CTNNA3: variants seen among roughly 807,000 people sequenced by gnomAD.
CTNNA3 encodes the protein catenin alpha 3.
Under a neutral mutation model 95.7 loss-of-function variants are expected in CTNNA3, and 76 were observed. The observed-to-expected ratio is 0.79, with a 90% CI of 0.66 to 0.96. CTNNA3 has a LOEUF of 0.96. Among genes scored for constraint, CTNNA3 ranks in the 40% least tolerant of loss-of-function variants. The probability of loss-of-function intolerance (pLI) is 0.00; values close to 1 mark genes in which losing one functional copy is unlikely to be tolerated. For synonymous variants in CTNNA3, 431 were observed against 374.4 expected, an observed-to-expected ratio of 1.15 and a Z score of -1.74; for missense variants, 1,191 against 1,089.8, an observed-to-expected ratio of 1.09 and a Z score of -1.31.
At chr10:67,212,059 T>A (rs1864162246) in intron 6 of CTNNA3, among the ~76,000 whole-genome samples, 1 of 152,108 alleles carries the variant, frequency 6.6e-6, no homozygotes, top group Non-Finnish European at 1.5e-5. Context: ...ATAGATTTAA[T>A]AAATATTTGT....
chr10:66,657,832 C>T (rs150220481), intron 9 of CTNNA3, among the ~76,000 whole-genome samples: 62 of 152,188 alleles, frequency 4.1e-4, no homozygotes, highest in Middle Eastern at 3.4e-3. Flanking sequence ...ACAAAGCTAC[C>T]GTATGGGAAG....
At chr10:66,613,864 C>T (rs980703962) in intron 10 of CTNNA3, among the ~76,000 whole-genome samples, 1 of 151,922 alleles carries the variant, frequency 6.6e-6, no homozygotes, top group African/African-American at 2.4e-5. Context: ...TATTTGGGTC[C>T]TATATTGTTT....
chr10:67,608,947 G>C (rs541217231), intron 2 of CTNNA3, among the ~76,000 whole-genome samples: 1 of 151,854 alleles, frequency 6.6e-6, no homozygotes, highest in Non-Finnish European at 1.5e-5. Flanking sequence ...AAAATTAGCC[G>C]GGCATGGTGG....
chr10:66,386,067 T>A (rs376836321), intron 11 of CTNNA3, among the ~76,000 whole-genome samples: 1 of 152,082 alleles, frequency 6.6e-6, no homozygotes, highest in Admixed American at 6.5e-5. Flanking sequence ...CCACTCCTAC[T>A]CAACATAGTG....
intron 13 of CTNNA3, among the ~76,000 whole-genome samples, chr10:66,177,579 T>TTGCAACA (rs2085782592): frequency 1.3e-5 from 2 of 152,136 alleles, no homozygotes; most frequent in African/African-American, 4.8e-5. Context: ...AAAATGAGCT[T>TTGCAACA]TGCAACATAT....
intron 2 of CTNNA3, among the ~76,000 whole-genome samples, chr10:67,625,038 T>A (rs1181339714): frequency 6.6e-6 from 1 of 152,202 alleles, no homozygotes; most frequent in East Asian, 1.9e-4. Flanking sequence ...GTAGGAGCCC[T>A]ATCTCTTGGT....
Position 66,446,612 on chromosome 10 carries a change from C to A in CTNNA3, c.1532-67260G>T, listed in dbSNP as rs1360033119. Among the ~76,000 whole-genome samples the A allele has an allele frequency of 4.6e-5, 7 of 152,004 alleles. No individual in the cohort carries two copies. In the East Asian group the frequency reaches 9.7e-4, roughly 21 times the overall value. ...CAATAGATGCAGAAAAGGCCTTTGA[C>A]AAAATCCAAAAACCCTTCATGCTAA... On this transcript the variant is annotated intron_variant, in intron 11 of 17. Transcript: ENST00000433211.
chr10:66,881,899 A>C (rs894359127), intron 7 of CTNNA3, among the ~76,000 whole-genome samples: 1 of 152,130 alleles, frequency 6.6e-6, no homozygotes. Context: ...GTACGATGAC[A>C]AACTTCAAAC....
chr10:66,148,376 T>C (rs2084007796), intron 13 of CTNNA3, among the ~76,000 whole-genome samples: 1 of 152,198 alleles, frequency 6.6e-6, no homozygotes, highest in African/African-American at 2.4e-5. Context: ...ATATATGCTA[T>C]GGTTTGAATG....
intron 7 of CTNNA3, among the ~76,000 whole-genome samples, chr10:66,878,713 C>T (rs1844725528): frequency 6.6e-6 from 1 of 152,052 alleles, no homozygotes; most frequent in Non-Finnish European, 1.5e-5. Flanking sequence ...CTGCAGTCAC[C>T]ACAGGGAACA....
chr10:67,539,510 A>G lies in CTNNA3; in HGVS notation c.452T>C (p.Val151Ala), dbSNP rs756167695. 10 of 1,613,212 alleles carry G rather than the reference A, an allele frequency of 6.2e-6. No individual in the cohort carries two copies. The highest frequency in any genetic ancestry group is 8.5e-6 in the Non-Finnish European group (10 of 1,179,476). The change falls in exon 4 of 18, where the codon GTG (valine) becomes GCG (alanine). Residue 151 changes from valine (V) to alanine (A), a missense_variant. Transcript: ENST00000433211. ...MIDVMCLLQH[V>A]SAFQRTFESL... ...AAGCCATCTTTTACTTACAGCTGAC[A>G]CATGTTGCAAGAGGCACATGACATC... is the stretch of plus-strand genomic sequence containing the variant.
chr10:67,161,030 G>A (rs1861518925), intron 7 of CTNNA3, among the ~76,000 whole-genome samples: 2 of 152,074 alleles, frequency 1.3e-5, no homozygotes, highest in African/African-American at 2.4e-5. Flanking sequence ...GGATTGGGGA[G>A]GGAGAAATGG....
chr10:65,950,167 C>T (rs2077585487), intron 17 of CTNNA3, among the ~76,000 whole-genome samples: 1 of 152,084 alleles, frequency 6.6e-6, no homozygotes, highest in Admixed American at 6.6e-5. Context: ...AACACACACA[C>T]ACACACACAC....
At chr10:66,159,951 T>C (rs2084758293) in intron 13 of CTNNA3, among the ~76,000 whole-genome samples, 2 of 152,116 alleles carry the variant, frequency 1.3e-5, no homozygotes, top group Non-Finnish European at 1.5e-5. Flanking sequence ...CTAAGTTTTC[T>C]AGTTTATTTA....
intron 7 of CTNNA3, among the ~76,000 whole-genome samples, chr10:66,952,261 A>T (rs1589479933): frequency 6.6e-6 from 1 of 152,170 alleles, no homozygotes; most frequent in African/African-American, 2.4e-5. Flanking sequence ...TGCAGGGGAC[A>T]GAGCTTCCCA....
At chr10:67,498,892 T>G (rs951055059) in intron 5 of CTNNA3, among the ~76,000 whole-genome samples, 6 of 152,366 alleles carry the variant, frequency 3.9e-5, no homozygotes, top group South Asian at 4.1e-4. Context: ...AGAGACAATT[T>G]GACTTCCTCT....
chr10:67,167,360 C>G (rs1359607923), intron 7 of CTNNA3, among the ~76,000 whole-genome samples: 1 of 152,110 alleles, frequency 6.6e-6, no homozygotes. Flanking sequence ...ATTGTTATCT[C>G]TCTGTGTAGG....
intron 5 of CTNNA3, among the ~76,000 whole-genome samples, chr10:67,513,628 G>A (rs1163121074): frequency 6.6e-6 from 1 of 152,132 alleles, no homozygotes; most frequent in Non-Finnish European, 1.5e-5. Context: ...TTTTTCCCTG[G>A]AGAGAATGGG....
chr10:66,293,202 T>A (rs1286916220), intron 12 of CTNNA3, among the ~76,000 whole-genome samples: 1 of 152,154 alleles, frequency 6.6e-6, no homozygotes, highest in East Asian at 1.9e-4. Context: ...CTCTTTGAGG[T>A]AAAACAAGAA....
Sources: allele counts gnomAD v4.1 joint callset (sites outside exome capture counted in the v4.1 genomes callset), GRCh38; gene constraint gnomAD v4.1.1; transcripts MANE v1.5; gene names NCBI Gene and HGNC (gene_info 2026-07-23, HGNC 2026-07-21).